Variants in PHACTR1 observed in about 807,000 individuals in gnomAD.
PHACTR1 encodes phosphatase and actin regulator 1.
In PHACTR1, 16 loss-of-function variants were observed where a neutral mutation model predicts 69.2. The ratio of observed to expected loss-of-function variants is 0.23; its 90% CI spans 0.16 to 0.35. PHACTR1 has a LOEUF of 0.35. Among genes scored for constraint, PHACTR1 ranks in the 10% least tolerant of loss-of-function variants. The pLI is 1.00. For synonymous variants in PHACTR1, 312 were observed against 284.5 expected (o/e 1.10, Z -0.97); for missense variants, 510 against 734.7 (o/e 0.69, Z 3.54).
intron 4 of PHACTR1, among the ~76,000 whole-genome samples, chr6:12,930,517 A>G (rs1788752806): frequency 6.6e-6 from 1 of 152,164 alleles, no homozygotes; most frequent in Non-Finnish European, 1.5e-5. Flanking sequence ...ATCTGCCCTC[A>G]GTGTTAACTT....
chr6:12,894,382 A>T (rs1042126919), intron 4 of PHACTR1, among the ~76,000 whole-genome samples: 2 of 152,234 alleles, frequency 1.3e-5, no homozygotes, highest in African/African-American at 4.8e-5. Context: ...AGGCAGGCAG[A>T]TCACTTGAGG....
intron 4 of PHACTR1, among the ~76,000 whole-genome samples, chr6:12,952,038 G>A (rs981055435): frequency 3.9e-5 from 6 of 152,188 alleles, no homozygotes; most frequent in Admixed American, 1.3e-4. Context: ...CTGGGCACCC[G>A]TGAGCAAGAC....
chr6:12,731,291 G>A (rs1045391223), intron 3 of PHACTR1, among the ~76,000 whole-genome samples: 3 of 152,170 alleles, frequency 2.0e-5, no homozygotes, highest in Non-Finnish European at 2.9e-5. Flanking sequence ...TGGGATTACA[G>A]GTGTGAGCCA....
At chr6:12,835,668 A>G (rs1778083108) in intron 4 of PHACTR1, among the ~76,000 whole-genome samples, 1 of 152,266 alleles carries the variant, frequency 6.6e-6, no homozygotes, top group Admixed American at 6.5e-5. Context: ...ATAATTTGCT[A>G]TGTTTTATGC....
rs561582941 is a variant in PHACTR1, at chr6:12,997,971, AT to A, written c.251-55393del. 2.0e-4 allele frequency among the ~76,000 whole-genome samples: 30 copies of A among 152,296 alleles called. No homozygotes were observed. The South Asian group carries it at 5.4e-3, about 27-fold the overall frequency. ...CCGTCTCAAAGAAAAAACAAAAAAA[AT>A]AAATATACAACACATTATTATTAAC... On this transcript the variant is annotated intron_variant, in intron 4 of 14. Coordinates refer to ENST00000332995, the MANE Select transcript of PHACTR1 (RefSeq NM_030948.6).
intron 4 of PHACTR1, among the ~76,000 whole-genome samples, chr6:12,797,202 C>G (rs1195252276): frequency 2.0e-5 from 3 of 152,138 alleles, no homozygotes; most frequent in Non-Finnish European, 4.4e-5. Context: ...AACCCCACTG[C>G]AAATTCTGTA....
intron 10 of PHACTR1, among the ~76,000 whole-genome samples, chr6:13,241,997 C>T (rs1230241913): frequency 2.7e-5 from 4 of 147,138 alleles, no homozygotes; most frequent in Non-Finnish European, 5.9e-5. Flanking sequence ...TGCACCACTG[C>T]ACTCCTCCGG....
intron 4 of PHACTR1, among the ~76,000 whole-genome samples, chr6:12,858,458 G>C (rs564109947): frequency 1.3e-5 from 2 of 152,100 alleles, no homozygotes; most frequent in African/African-American, 4.8e-5. Flanking sequence ...TGGCACATTT[G>C]CTGTATACTT....
intron 4 of PHACTR1, chr6:12,933,741 T>C (rs1789127496): frequency 6.2e-7 from 1 of 1,612,704 alleles, no homozygotes; most frequent in African/African-American, 1.3e-5. Flanking sequence ...CACGGCCTCC[T>C]GAAGACAGCC....
chr6:13,018,416 T>C (rs1800483908), intron 4 of PHACTR1, among the ~76,000 whole-genome samples: 1 of 152,150 alleles, frequency 6.6e-6, no homozygotes, highest in Non-Finnish European at 1.5e-5. Flanking sequence ...AATATTACTA[T>C]ATTAGTTGTG....
chr6:13,284,850 ACTT>A (rs1284937388), intron 13 of PHACTR1, among the ~76,000 whole-genome samples: 2 of 152,126 alleles, frequency 1.3e-5, no homozygotes, highest in Non-Finnish European at 2.9e-5. Flanking sequence ...AGGCAGATAG[ACTT>A]CCAGAGACGA....
At chr6:13,053,588 C>G in intron 5 of PHACTR1, 59 bp downstream of exon 5, 1 of 1,550,030 alleles carries the variant, frequency 6.5e-7, no homozygotes. Flanking sequence ...ACTCTATTAT[C>G]TTAACAGAAT....
intron 8 of PHACTR1, among the ~76,000 whole-genome samples, chr6:13,209,405 G>A (rs1561998266): frequency 6.6e-6 from 1 of 152,180 alleles, no homozygotes; most frequent in Non-Finnish European, 1.5e-5. Flanking sequence ...TGCAAGAAGG[G>A]AGAGGCATTA....
At chr6:12,785,297 G>C (rs574473706) in intron 4 of PHACTR1, among the ~76,000 whole-genome samples, 30 of 152,104 alleles carry the variant, frequency 2.0e-4, no homozygotes, top group South Asian at 4.1e-4. Context: ...AGAAAAGGTG[G>C]CTGTATCCAC....
intron 5 of PHACTR1, among the ~76,000 whole-genome samples, chr6:13,072,523 A>G (rs374330839): frequency 1.3e-5 from 2 of 152,290 alleles, no homozygotes; most frequent in South Asian, 2.1e-4. Context: ...GTTGAAATCA[A>G]AATATAGATC....
chr6:12,850,654 G>A (rs1779736686), intron 4 of PHACTR1, among the ~76,000 whole-genome samples: 1 of 152,194 alleles, frequency 6.6e-6, no homozygotes, highest in African/African-American at 2.4e-5. Flanking sequence ...CAAGGTGTCA[G>A]CAGGGCCATG....
intron 4 of PHACTR1, among the ~76,000 whole-genome samples, chr6:12,906,300 T>C (rs1242879888): frequency 6.6e-6 from 1 of 152,234 alleles, no homozygotes; most frequent in Non-Finnish European, 1.5e-5. Flanking sequence ...ACAATACATA[T>C]AAATTATGTG....
At chr6:13,241,225 C>T (rs778615120) in intron 10 of PHACTR1, among the ~76,000 whole-genome samples, 6 of 152,120 alleles carry the variant, frequency 3.9e-5, no homozygotes, top group Non-Finnish European at 7.3e-5. Flanking sequence ...TCTTCTATCT[C>T]GGGCTTAACT....
intron 5 of PHACTR1, among the ~76,000 whole-genome samples, chr6:13,155,067 C>A (rs74633337): frequency 0.035 from 5,333 of 152,158 alleles, 210 homozygotes; most frequent in African/African-American, 0.096. Flanking sequence ...TTGAGCTTGT[C>A]CTAGTGTAAA....
Sources: gnomAD v4.1 joint callset for allele counts (sites outside exome capture counted in the v4.1 genomes callset) on GRCh38, gnomAD v4.1.1 for gene constraint, MANE v1.5 for transcripts, NCBI Gene and HGNC (gene_info 2026-07-23, HGNC 2026-07-21) for gene names.